The following ZFHX3 variants were observed in gnomAD, a reference collection of about 807,000 sequenced individuals.
The protein encoded by ZFHX3 is zinc finger homeobox 3, also known as zinc finger homeobox protein 3.
Under a neutral mutation model 279.1 loss-of-function variants are expected in ZFHX3, and 42 were observed. That is an observed-to-expected ratio of 0.15 (90% CI 0.12 to 0.19). ZFHX3 has a LOEUF of 0.19. Among genes scored for constraint, ZFHX3 ranks in the 10% least tolerant of loss-of-function variants. The pLI is 1.00. For synonymous variants in ZFHX3, 2,293 were observed against 1,957.8 expected, an observed-to-expected ratio of 1.17 and a Z score of -4.52; for missense variants, 4,981 against 4,754.0, an observed-to-expected ratio of 1.05 and a Z score of -1.40.
chr16:72,794,643 A>G lies in ZFHX3; in HGVS notation c.8039T>C (p.Leu2680Ser). 1 of 1,614,176 alleles carries G rather than the reference A, an allele frequency of 6.2e-7. No homozygotes were observed. Among genetic ancestry groups the G allele is most frequent in the Non-Finnish European group, 8.5e-7 (1 of 1,180,032 alleles). ...CCAGACTTGTACCACACGTTTCTTC[A>G]AGCCCACCTCGTGTGCAATGTGATC... ...MLDHIAHEVG[L>S]KKRVVQVWFQ... is the part of the protein sequence containing the mutation. The change falls in exon 9 of 10, where the codon TTG becomes TCG. Residue 2680 changes from leucine (L) to serine (S), a missense_variant. By Grantham distance (145) the Leu-to-Ser change is moderately radical (BLOSUM62 -2). Coordinates refer to ENST00000268489, the MANE Select transcript of ZFHX3 (RefSeq NM_006885.4). This position sits in a 1 kb window ranked among gnomAD's most constrained non-coding sequence, Gnocchi z 4.2.
intron 3 of ZFHX3, among the ~76,000 whole-genome samples, chr16:73,440,463 G>A (rs982587961): frequency 3.9e-5 from 6 of 152,128 alleles, no homozygotes; most frequent in African/African-American, 1.4e-4. Flanking sequence ...AGACCCATTT[G>A]GCACCAATTA....
At chr16:73,674,724 G>A (rs557098635) in intron 2 of ZFHX3, among the ~76,000 whole-genome samples, 8 of 152,246 alleles carry the variant, frequency 5.3e-5, no homozygotes, top group Middle Eastern at 3.4e-3. Flanking sequence ...AATCAGTCTC[G>A]AAAAGTGCTT....
At chr16:73,607,947 C>T (rs1002200155) in intron 2 of ZFHX3, among the ~76,000 whole-genome samples, 1 of 152,068 alleles carries the variant, frequency 6.6e-6, no homozygotes, top group East Asian at 1.9e-4. Flanking sequence ...AAGTCTGTGC[C>T]TGTAGTCCCA....
chr16:73,384,577 G>A (rs891612716), intron 3 of ZFHX3, among the ~76,000 whole-genome samples: 1 of 152,222 alleles, frequency 6.6e-6, no homozygotes, highest in Non-Finnish European at 1.5e-5. Flanking sequence ...ACTTGGCCCT[G>A]CAGTATCACA....
At chr16:73,622,959 G>A (rs1477312140) in intron 2 of ZFHX3, among the ~76,000 whole-genome samples, 3 of 152,098 alleles carry the variant, frequency 2.0e-5, no homozygotes, top group Non-Finnish European at 4.4e-5. Context: ...GATCTACGTT[G>A]TTTTTATCCT....
intron 3 of ZFHX3, among the ~76,000 whole-genome samples, chr16:72,905,011 T>C (rs1382791165): frequency 6.6e-6 from 1 of 152,090 alleles, no homozygotes; most frequent in Admixed American, 6.5e-5. Flanking sequence ...TTTGTATTTT[T>C]GCATTTTTGG....
intron 1 of ZFHX3, among the ~76,000 whole-genome samples, chr16:73,721,053 G>A (rs562330916): frequency 4.4e-4 from 67 of 152,156 alleles, no homozygotes; most frequent in Non-Finnish European, 8.2e-4. Flanking sequence ...TCTGGGCAGG[G>A]TCTATGTTTC....
chr16:72,967,493 C>T (rs982936471), intron 1 of ZFHX3, among the ~76,000 whole-genome samples: 3 of 151,976 alleles, frequency 2.0e-5, no homozygotes, highest in Non-Finnish European at 2.9e-5. Flanking sequence ...AGTTCTTCCA[C>T]AGGGTAGAAA....
At chr16:73,670,794 A>G (rs2052897116) in intron 2 of ZFHX3, among the ~76,000 whole-genome samples, 2 of 152,228 alleles carry the variant, frequency 1.3e-5, no homozygotes, top group South Asian at 4.1e-4. Context: ...GTAAATATCA[A>G]TCAATCCATT....
At chr16:73,557,990 C>A (rs933442238) in intron 2 of ZFHX3, among the ~76,000 whole-genome samples, 1 of 152,176 alleles carries the variant, frequency 6.6e-6, no homozygotes, top group African/African-American at 2.4e-5. Context: ...GCAATTATAC[C>A]TCAGAAAACC....
chr16:73,602,857 G>C (rs892702852), intron 2 of ZFHX3, among the ~76,000 whole-genome samples: 3 of 148,542 alleles, frequency 2.0e-5, no homozygotes, highest in Non-Finnish European at 4.4e-5. Flanking sequence ...TGAAGCAGGA[G>C]AATTGCTTGA....
intron 1 of ZFHX3, among the ~76,000 whole-genome samples, chr16:73,687,662 T>C (rs898816438): frequency 1.3e-5 from 2 of 151,394 alleles, no homozygotes; most frequent in African/African-American, 2.4e-5. Flanking sequence ...ACCAACATAG[T>C]GAAACCCCGT....
intron 4 of ZFHX3, among the ~76,000 whole-genome samples, chr16:72,849,501 C>T (rs2037559620): frequency 6.6e-6 from 1 of 152,160 alleles, no homozygotes; most frequent in Non-Finnish European, 1.5e-5. Context: ...TGCCTAAGTC[C>T]CAACCCATGC....
At chr16:73,883,030 TA>T (rs369648811) in intron 1 of ZFHX3, among the ~76,000 whole-genome samples, 441 of 147,804 alleles carry the variant, frequency 3.0e-3, no homozygotes, top group African/African-American at 8.4e-3. Context: ...TCAAGCTTTT[TA>T]AAAAAAAAAA....
intron 1 of ZFHX3, among the ~76,000 whole-genome samples, chr16:72,998,566 T>C (rs6499604): frequency 0.97 from 147,600 of 152,318 alleles, 71,722 homozygotes; most frequent in Middle Eastern, 1. Flanking sequence ...AACTGGTATG[T>C]GTTCCACACT....
At chr16:73,512,426 A>C (rs1276407522) in intron 2 of ZFHX3, among the ~76,000 whole-genome samples, 1 of 150,306 alleles carries the variant, frequency 6.7e-6, no homozygotes, top group Non-Finnish European at 1.5e-5. Context: ...CCAGCCTGGC[A>C]ACAGAGCGAG....
In ZFHX3 at chr16:73,848,949, G is replaced by C. The variant is rs188699158; in HGVS notation, c.-1608+42702C>G. Among the ~76,000 whole-genome samples, 1,028 of 152,272 alleles carry C rather than the reference G, an allele frequency of 6.8e-3. 8 individuals carry two copies. Among genetic ancestry groups the C allele is most frequent in the Non-Finnish European group, 9.9e-3 (671 of 68,022 alleles). On this transcript the variant is annotated intron_variant, in intron 1 of 17. Coordinates refer to the ZFHX3 transcript ENST00000641206. Reference sequence around the variant, plus strand: ...TCCTTCCAGGACTTGAAATTCCCAAGGGTTTTCTTTTGAGGCTAAACATTT... The same window carrying C: ...TCCTTCCAGGACTTGAAATTCCCAACGGTTTTCTTTTGAGGCTAAACATTT...
At chr16:73,641,057 G>T (rs561851112) in intron 2 of ZFHX3, among the ~76,000 whole-genome samples, 1 of 152,258 alleles carries the variant, frequency 6.6e-6, no homozygotes, top group South Asian at 2.1e-4. Flanking sequence ...ACAATATGAG[G>T]TAAAATAATT....
At chr16:72,956,612 G>A (rs1961262284) in intron 2 of ZFHX3, among the ~76,000 whole-genome samples, 1 of 152,172 alleles carries the variant, frequency 6.6e-6, no homozygotes, top group Non-Finnish European at 1.5e-5. Context: ...CCTGAACAGA[G>A]CCAAATCAGC....
Sources: gnomAD v4.1 joint callset for allele counts (sites outside exome capture counted in the v4.1 genomes callset) on GRCh38, gnomAD v4.1.1 for gene constraint, Gnocchi (gnomAD v3.1) non-coding constraint, MANE v1.5 for transcripts, NCBI Gene and HGNC (gene_info 2026-07-23, HGNC 2026-07-21) for gene names.